MED25: variants seen among roughly 807,000 people sequenced by gnomAD.
MED25 encodes mediator complex subunit 25.
A neutral mutation model predicts 89.4 loss-of-function variants in MED25; 62 were observed. The ratio of observed to expected loss-of-function variants is 0.69; its 90% CI spans 0.57 to 0.86. The LOEUF (loss-of-function observed/expected upper bound fraction) is 0.86, where lower values mean the gene tolerates loss of function less well. Ranked by LOEUF, MED25 falls within the 40% of genes least tolerant of loss-of-function variation. The probability of loss-of-function intolerance (pLI) is 0.00; values close to 1 mark genes in which losing one functional copy is unlikely to be tolerated. For synonymous variants in MED25, 449 were observed against 427.9 expected, an observed-to-expected ratio of 1.05 and a Z score of -0.61; for missense variants, 905 against 1,005.2, an observed-to-expected ratio of 0.90 and a Z score of 1.35.
At chr19:49,823,375 G>T (rs1016121532) in intron 3 of MED25, among the ~76,000 whole-genome samples, 5 of 152,130 alleles carry the variant, frequency 3.3e-5, no homozygotes, top group Non-Finnish European at 7.3e-5. Flanking sequence ...CTGTATTGGG[G>T]GCTGGGTACC....
In MED25 at chr19:49,836,020, G is replaced by A. The variant is rs1343878106; in HGVS notation, c.1965+75G>A. 6.4e-7 allele frequency: 1 copy of A among 1,574,466 alleles called. No homozygotes were observed. On this transcript the variant is annotated intron_variant, in intron 16 of 17. Coordinates refer to ENST00000312865, the MANE Select transcript of MED25 (RefSeq NM_030973.4). The surrounding 1 kb of genome is among the most constrained non-coding windows in gnomAD (Gnocchi z 5.1). ...GTTCTGGTCCTGTTGTCTGGGAGGA[G>A]GGAGGTTGACTGTGGTCAGTGGGTG...
Position 49,829,791 on chromosome 19 carries a change from G to C in MED25, c.531G>C (p.Gly177=), listed in dbSNP as rs1284342909. 1.3e-6 allele frequency: 2 copies of C among 1,593,152 alleles called. No homozygotes were observed. The highest frequency in any genetic ancestry group is 3.5e-5 in the Admixed American group (2 of 56,944). The change falls in exon 6 of 18, where the codon GGG becomes GGC. Residue 177 remains glycine, a synonymous_variant. Coordinates refer to ENST00000312865, the MANE Select transcript of MED25 (RefSeq NM_030973.4). This position sits in a 1 kb window ranked among gnomAD's most constrained non-coding sequence, Gnocchi z 4.6. ...ENLVQQIGER[G]IHFSIVSPRK... ...GCTCGGCCCCTCTCCTACAGCGGGG[G>C]ATCCACTTCTCCATTGTGTCTCCCC... is the stretch of plus-strand genomic sequence containing the variant.
intron 3 of MED25, among the ~76,000 whole-genome samples, chr19:49,822,320 CT>C (rs34838355): frequency 0.65 from 96,583 of 149,556 alleles, 31,753 homozygotes; most frequent in East Asian, 0.78. Flanking sequence ...TGGCATGTGC[CT>C]TGTAATCCTA....
intron 3 of MED25, among the ~76,000 whole-genome samples, chr19:49,824,877 C>T (rs1292296396): frequency 6.6e-6 from 1 of 152,054 alleles, no homozygotes; most frequent in Non-Finnish European, 1.5e-5. Flanking sequence ...CACCTGTTAG[C>T]CGATGAAAGC....
intron 3 of MED25, among the ~76,000 whole-genome samples, chr19:49,821,227 G>A (rs1027686619): frequency 1.2e-4 from 18 of 152,194 alleles, no homozygotes; most frequent in African/African-American, 4.1e-4. Flanking sequence ...GTCTAACATG[G>A]CAACTGGCAT....
At chr19:49,826,929 A>C (rs2074019632) in intron 3 of MED25, among the ~76,000 whole-genome samples, 1 of 152,124 alleles carries the variant, frequency 6.6e-6, no homozygotes, top group African/African-American at 2.4e-5. Flanking sequence ...TGCCGGGCCG[A>C]GGGCCTGGGT....
rs2074093107 is a variant in MED25 at position 49,835,820 on chromosome 19, C to T, written c.1840C>T (p.Pro614Ser). 2.5e-6 allele frequency: 4 copies of T among 1,609,816 alleles called. No individual in the cohort carries two copies. The highest frequency in any genetic ancestry group is 3.4e-6 in the Non-Finnish European group (4 of 1,177,770). ...CCAGCCCCAAGGTACTGCCCAGCCC[C>T]CGCCAGGTGCCCCTCAAGGCCCTCC... ...QPQPQGTAQPPPGAPQGPPGA... is the reference protein window; with the variant it reads ...QPQPQGTAQPSPGAPQGPPGA... The change falls in exon 16 of 18, where the codon CCG becomes TCG. Residue 614 changes from proline to serine, a missense_variant. Transcript: ENST00000312865. This position sits in a 1 kb window ranked among gnomAD's most constrained non-coding sequence, Gnocchi z 6.2.
intron 3 of MED25, among the ~76,000 whole-genome samples, chr19:49,825,337 C>T (rs184505894): frequency 6.6e-6 from 1 of 152,162 alleles, no homozygotes; most frequent in African/African-American, 2.4e-5. Flanking sequence ...CAACCTCTGC[C>T]CCCGAGGTTC....
At chr19:49,822,640 CTTTTTTTTTTTT>C (rs536060694) in intron 3 of MED25, among the ~76,000 whole-genome samples, 40 of 68,284 alleles carry the variant, frequency 5.9e-4, no homozygotes, top group South Asian at 4.6e-3. Context: ...CTGTTACATT[CTTTTTTTTTTTT>C]TTTTTTTTTT....
rs1232399218 is a variant in MED25 at position 49,831,226 on chromosome 19, G to A, written c.1102-107G>A. 5.7e-6 allele frequency: 7 copies of A among 1,232,064 alleles called. No homozygotes were observed. Among genetic ancestry groups the A allele is most frequent in the South Asian group, 2.7e-5 (2 of 73,298 alleles). 76.3% of individuals were successfully genotyped at this position (1,232,064 alleles called of 1,614,324 possible). A position where few individuals can be genotyped will look rare whatever the true frequency, so the allele number is the denominator to read the frequency against. ...CCAAGTGCTGTTCTGGGGATGGAGG[G>A]GCAGAAGAAGGGATCTTTCCTCCTT... is the stretch of plus-strand genomic sequence containing the variant. On this transcript the variant is annotated intron_variant, in intron 9 of 17. Coordinates refer to ENST00000312865, the MANE Select transcript of MED25 (RefSeq NM_030973.4). This position sits in a 1 kb window ranked among gnomAD's most constrained non-coding sequence, Gnocchi z 5.0.
rs768469811 is a variant in MED25 at position 49,836,233 on chromosome 19, C to T, written c.1973C>T (p.Thr658Ile). 72 of 1,612,198 alleles carry T rather than the reference C, an allele frequency of 4.5e-5. No homozygotes were observed. Among genetic ancestry groups the T allele is most frequent in the Non-Finnish European group, 5.9e-5 (70 of 1,179,826 alleles). ...CTCTCTGTGTTCTCCCAGCCGCAGA[C>T]TGGGGTGCCCCCACCCCAGGCCTCC... ...SLLLNPPPPQ[T>I]GVPPPQASLH... Residue 658 changes from threonine to isoleucine, a missense_variant, in exon 17 of 18, where the codon ACT (threonine) becomes ATT (isoleucine). Thr to Ile is a moderately conservative substitution (Grantham distance 89). This residue lies in a region of MED25 where 271 missense variants were observed against 258.1 expected (regional missense o/e 1.05). Transcript: ENST00000312865. The surrounding 1 kb of genome is among the most constrained non-coding windows in gnomAD (Gnocchi z 5.1).
intron 3 of MED25, among the ~76,000 whole-genome samples, chr19:49,828,030 C>T (rs2074026538): frequency 2.6e-5 from 4 of 152,072 alleles, no homozygotes. Flanking sequence ...GAGATGGAGA[C>T]CATCCTGGCT....
chr19:49,838,609 C>T (rs747529507), downstream of MED25: 3 of 457,306 alleles, frequency 6.6e-6, no homozygotes, highest in South Asian at 4.6e-5. Flanking sequence ...AGGAGAGGGC[C>T]GTGTGTTTCG....
rs760809712 is a variant in MED25, at chr19:49,830,243, A to G, written c.819+25A>G. ...GGTATGGATATTTCCGGGAAGGGAC[A>G]TGCTTCTGGGGACTTGCTGGAGCCC... On this transcript the variant is annotated intron_variant, in intron 7 of 17. Coordinates refer to ENST00000312865, the MANE Select transcript of MED25 (RefSeq NM_030973.4). This position sits in a 1 kb window ranked among gnomAD's most constrained non-coding sequence, Gnocchi z 4.6. 3.1e-6 allele frequency: 5 copies of G among 1,604,028 alleles called. No homozygotes were observed. The highest frequency in any genetic ancestry group is 1.3e-5 in the African/African-American group (1 of 74,796).
chr19:49,831,392 A>G lies in MED25; in HGVS notation c.1161A>G (p.Pro387=). 6.2e-7 allele frequency: 1 copy of G among 1,610,918 alleles called. No individual in the cohort carries two copies. The highest frequency in any genetic ancestry group is 8.5e-7 in the Non-Finnish European group (1 of 1,178,786). Reference sequence around the variant, plus strand: ...CTTCCCCAGCCCAGCTGGGAGCCCCAGCCCTCGGTGGGCAGCAGTCAGTCT... The same window carrying G: ...CTTCCCCAGCCCAGCTGGGAGCCCCGGCCCTCGGTGGGCAGCAGTCAGTCT... The part of the protein sequence containing the change: ...SGPSPAQLGA[P]ALGGQQSVSN... Residue 387 remains proline (P), a synonymous_variant, in exon 10 of 18, where the codon CCA becomes CCG. Coordinates refer to ENST00000312865, the MANE Select transcript of MED25 (RefSeq NM_030973.4). This position sits in a 1 kb window ranked among gnomAD's most constrained non-coding sequence, Gnocchi z 5.0.
rs149496775 is a variant in MED25, at chr19:49,827,240, A to G, written c.306-1209A>G. On this transcript the variant is annotated intron_variant, in intron 3 of 17. Coordinates refer to ENST00000312865, the MANE Select transcript of MED25 (RefSeq NM_030973.4). ...CCACAGCTGCCCTTGAGGAGAGGCC[A>G]TCCCCGGGCCACAACCCATGTGGGA... is the stretch of plus-strand genomic sequence containing the variant. Among the ~76,000 whole-genome samples the G allele has an allele frequency of 1.0e-3, 156 of 152,312 alleles. 1 individual carries two copies. Among genetic ancestry groups the G allele is most frequent in the Non-Finnish European group, 1.9e-3 (131 of 68,020 alleles).
chr19:49,838,206 C>T (rs972743184), downstream of MED25, among the ~76,000 whole-genome samples: 19 of 152,144 alleles, frequency 1.2e-4, no homozygotes, highest in South Asian at 4.1e-4. Context: ...TATGGGCCAT[C>T]GTGCGGATGA....
Position 49,818,335 on chromosome 19 carries a change from A to G in MED25, c.-7A>G. 1 of 1,575,422 alleles carries G rather than the reference A, an allele frequency of 6.3e-7. No homozygotes were observed. Among genetic ancestry groups the G allele is most frequent in the Non-Finnish European group, 8.6e-7 (1 of 1,159,780 alleles). On this transcript the variant is annotated 5_prime_UTR_variant, in exon 1 of 18. Coordinates refer to ENST00000312865, the MANE Select transcript of MED25 (RefSeq NM_030973.4). ...CTGCAGTGGTGGTGGCGGGTACCGCACGGGGTATGGTCCCCGGGTCCGAGG... is the reference window on the plus strand; with the variant it reads ...CTGCAGTGGTGGTGGCGGGTACCGCGCGGGGTATGGTCCCCGGGTCCGAGG...
At position 49,829,692 on chromosome 19, in the gene MED25, C is replaced by T. The variant is rs976888273; in HGVS notation, c.526-94C>T. 11 of 1,341,240 alleles carry T rather than the reference C, an allele frequency of 8.2e-6. No homozygotes were observed. Among genetic ancestry groups the T allele is most frequent in the Middle Eastern group, 2.5e-4 (1 of 4,012 alleles). The allele number at this position is 1,341,240 out of a possible 1,614,324, so 83.1% of individuals were successfully genotyped here. A position where few individuals can be genotyped will look rare whatever the true frequency, so the allele number is the denominator to read the frequency against. On this transcript the variant is annotated intron_variant, in intron 5 of 17. Transcript: ENST00000312865. The surrounding 1 kb of genome is among the most constrained non-coding windows in gnomAD (Gnocchi z 4.6). Reference sequence around the variant, plus strand: ...GGAATTGTGGTTGTAGGGCTGGTGCCGTCCAGCCACACAGCAGTTGTGGTA... The same window carrying T: ...GGAATTGTGGTTGTAGGGCTGGTGCTGTCCAGCCACACAGCAGTTGTGGTA...
Sources: allele counts gnomAD v4.1 joint callset (sites outside exome capture counted in the v4.1 genomes callset), GRCh38; gene constraint gnomAD v4.1.1; regional missense constraint gnomAD v4.1.1; non-coding constraint Gnocchi (gnomAD v3.1); transcripts MANE v1.5; gene names NCBI Gene and HGNC (gene_info 2026-07-23, HGNC 2026-07-21).